Variants in DAB1 observed in about 807,000 individuals in gnomAD.
DAB1 encodes the protein DAB adaptor protein 1.
A neutral mutation model predicts 64.6 loss-of-function variants in DAB1; 15 were observed. The ratio of observed to expected loss-of-function variants is 0.23; its 90% confidence interval spans 0.16 to 0.36. The LOEUF is 0.36. Ranked by LOEUF, DAB1 falls within the 10% of genes least tolerant of loss-of-function variation. The probability of loss-of-function intolerance (pLI) is 1.00; values close to 1 mark genes in which losing one functional copy is unlikely to be tolerated. For missense variants in DAB1, 596 were observed against 706.7 expected, an observed-to-expected ratio of 0.84 and a Z score of 1.78; for synonymous variants, 235 against 251.9, an observed-to-expected ratio of 0.93 and a Z score of 0.64.
intron 1 of DAB1, among the ~76,000 whole-genome samples, chr1:57,297,101 T>C (rs888272829): frequency 2.0e-5 from 3 of 152,098 alleles, no homozygotes; most frequent in Non-Finnish European, 4.4e-5. Context: ...GCCAGGAATC[T>C]AATCAGATTA....
intron 7 of DAB1, among the ~76,000 whole-genome samples, chr1:57,437,261 C>T (rs1305107804): frequency 6.6e-6 from 1 of 151,994 alleles, no homozygotes; most frequent in African/African-American, 2.4e-5. Context: ...AATTCTCTTC[C>T]CTTCTGTCCC....
chr1:58,293,267 T>G (rs1264995395), intron 4 of DAB1, among the ~76,000 whole-genome samples: 1 of 152,194 alleles, frequency 6.6e-6, no homozygotes, highest in African/African-American at 2.4e-5. Context: ...CAGAGTAGCC[T>G]AGAAGGCCTA....
chr1:58,447,270 A>T (rs1288844340), intron 3 of DAB1, among the ~76,000 whole-genome samples: 1 of 152,204 alleles, frequency 6.6e-6, no homozygotes, highest in Non-Finnish European at 1.5e-5. Flanking sequence ...TCCTGAGGGG[A>T]TGAAATAATG....
At chr1:58,295,401 C>T (rs574856727) in intron 4 of DAB1, among the ~76,000 whole-genome samples, 2 of 152,238 alleles carry the variant, frequency 1.3e-5, no homozygotes, top group South Asian at 2.1e-4. Context: ...GTCCTCGTTC[C>T]ATGGGAGTGG....
intron 14 of DAB1, among the ~76,000 whole-genome samples, chr1:57,008,356 A>G (rs1646156511): frequency 6.6e-6 from 1 of 152,202 alleles, no homozygotes; most frequent in African/African-American, 2.4e-5. Context: ...TTATACATGA[A>G]AGCTAAATGT....
intron 3 of DAB1, among the ~76,000 whole-genome samples, chr1:57,137,121 G>C (rs529424064): frequency 6.6e-6 from 1 of 152,122 alleles, no homozygotes; most frequent in East Asian, 1.9e-4. Flanking sequence ...ACAAATGCTA[G>C]ACTGTCCATT....
downstream of DAB1, among the ~76,000 whole-genome samples, chr1:57,821,603 T>C (rs1312623828): frequency 6.6e-6 from 1 of 152,198 alleles, no homozygotes; most frequent in Admixed American, 6.5e-5. Flanking sequence ...CAAGCTTACC[T>C]GGAGGTGTTA....
At chr1:57,156,004 T>A (rs1660186634) in intron 2 of DAB1, among the ~76,000 whole-genome samples, 1 of 152,130 alleles carries the variant, frequency 6.6e-6, no homozygotes. Context: ...TTGGATGCCC[T>A]AAGAATCAAC....
intron 3 of DAB1, among the ~76,000 whole-genome samples, chr1:58,479,443 G>C (rs1025303094): frequency 1.3e-5 from 2 of 152,122 alleles, no homozygotes; most frequent in Admixed American, 1.3e-4. Flanking sequence ...TTAACAACTA[G>C]ATATTTTGTC....
intron 5 of DAB1, among the ~76,000 whole-genome samples, chr1:57,959,781 A>C (rs1645474638): frequency 6.6e-6 from 1 of 152,152 alleles, no homozygotes; most frequent in African/African-American, 2.4e-5. Context: ...CGGTTTCCTA[A>C]ATGCCTTTAT....
rs189854511 is a variant in DAB1 at position 57,261,357 on chromosome 1, C to G, written c.67+29607G>C. ...AGATGCTAGAGGTTAAAAGGCCTTT[C>G]AGAGGTCTCAGGGCAATTTCTCCCT... On this transcript the variant is annotated intron_variant, in intron 2 of 14. Transcript: ENST00000371236. Among the ~76,000 whole-genome samples, 4 of 152,278 alleles carry G rather than the reference C, an allele frequency of 2.6e-5. No homozygotes were observed. In the East Asian group the frequency reaches 7.7e-4, roughly 29 times the overall value.
chr1:57,714,604 T>C (rs1260153935), intron 6 of DAB1, among the ~76,000 whole-genome samples: 1 of 152,184 alleles, frequency 6.6e-6, no homozygotes, highest in Non-Finnish European at 1.5e-5. Context: ...ACCATATTTG[T>C]TCTTGGAGAT....
intron 9 of DAB1, among the ~76,000 whole-genome samples, chr1:57,060,411 A>C (rs1173987616): frequency 6.6e-6 from 1 of 152,066 alleles, no homozygotes; most frequent in Non-Finnish European, 1.5e-5. Context: ...CGGCCTCCCA[A>C]AGTACTGGAA....
chr1:58,031,854 T>C lies in DAB1; in HGVS notation n.387+118657A>G, dbSNP rs114882888. 3.7e-3 allele frequency among the ~76,000 whole-genome samples: 565 copies of C among 152,200 alleles called. 4 individuals carry two copies. Among genetic ancestry groups the C allele is most frequent in the African/African-American group, 0.013 (532 of 41,522 alleles). ...GACTCTGGAGCAGAAAGCCCTGCCT[T>C]AGTAACTGCTATTCAGCCAAATACT... On this transcript the variant is annotated intron_variant and non_coding_transcript_variant, in intron 5 of 20. Coordinates refer to the DAB1 transcript ENST00000485760.
At chr1:57,649,784 G>A (rs1251258960) in intron 6 of DAB1, 1 of 152,088 alleles carries the variant, frequency 6.6e-6, no homozygotes, top group African/African-American at 2.4e-5. Context: ...CCAGGCACTG[G>A]GAATAGAGAG....
chr1:57,739,457 CTTCCCT>C (rs1647865627), intron 6 of DAB1, among the ~76,000 whole-genome samples: 4 of 68,896 alleles, frequency 5.8e-5, no homozygotes, highest in Non-Finnish European at 8.5e-5. Flanking sequence ...CTCCCCTCCC[CTTCCCT>C]CCCCTCCCCT....
At chr1:58,164,378 G>A (rs1570435197) in intron 4 of DAB1, among the ~76,000 whole-genome samples, 1 of 152,082 alleles carries the variant, frequency 6.6e-6, no homozygotes, top group South Asian at 2.1e-4. Flanking sequence ...AATCAGTGGT[G>A]AGTATGTGTC....
intron 2 of DAB1, among the ~76,000 whole-genome samples, chr1:57,289,631 C>T (rs1224091946): frequency 6.6e-6 from 1 of 152,150 alleles, no homozygotes; most frequent in African/African-American, 2.4e-5. Context: ...CAGTTATGTC[C>T]CTTACTTCAT....
chr1:57,188,255 T>C (rs1387657118), intron 2 of DAB1, among the ~76,000 whole-genome samples: 2 of 152,156 alleles, frequency 1.3e-5, no homozygotes, highest in African/African-American at 4.8e-5. Context: ...CATTGATAAC[T>C]CACCTCACAA....
Sources: allele counts gnomAD v4.1 joint callset (sites outside exome capture counted in the v4.1 genomes callset), GRCh38; gene constraint gnomAD v4.1.1; transcripts MANE v1.5; gene names NCBI Gene and HGNC (gene_info 2026-07-23, HGNC 2026-07-21).